CNTN5: variants seen among roughly 807,000 people sequenced by gnomAD.
CNTN5 encodes contactin-5.
CNTN5 carries 77 observed loss-of-function variants against 129.1 expected under a neutral mutation model. The observed-to-expected ratio is 0.60, with a 90% CI of 0.50 to 0.72. CNTN5 has a LOEUF of 0.72. CNTN5 is among the 30% of genes least tolerant of loss of function. The pLI is 0.00. For missense variants in CNTN5, 1,478 were observed against 1,328.8 expected, an observed-to-expected ratio of 1.11 and a Z score of -1.75; for synonymous variants, 509 against 465.6, an observed-to-expected ratio of 1.09 and a Z score of -1.20.
At chr11:100,046,359 C>T (rs1270436730) in intron 9 of CNTN5, among the ~76,000 whole-genome samples, 1 of 152,128 alleles carries the variant, frequency 6.6e-6, no homozygotes, top group Non-Finnish European at 1.5e-5. Context: ...ATCCCATCTG[C>T]CTGTATTCTC....
intron 1 of CNTN5, among the ~76,000 whole-genome samples, chr11:99,264,151 A>G (rs756821583): frequency 1.5e-4 from 22 of 151,710 alleles, no homozygotes; most frequent in Non-Finnish European, 1.9e-4. Context: ...CAGGATACCT[A>G]TTTCTACAAC....
intron 3 of CNTN5, among the ~76,000 whole-genome samples, chr11:99,629,364 A>T (rs1951252105): frequency 6.6e-6 from 1 of 152,008 alleles, no homozygotes; most frequent in Non-Finnish European, 1.5e-5. Context: ...AAGTTTAAAA[A>T]GTAATTTCCT....
At chr11:99,228,276 A>C (rs1256254724) in intron 1 of CNTN5, among the ~76,000 whole-genome samples, 7 of 152,126 alleles carry the variant, frequency 4.6e-5, no homozygotes, top group African/African-American at 1.7e-4. Context: ...TAGAGAGTGG[A>C]TGCAGGTAGA....
chr11:99,253,847 TG>T (rs1405772919), intron 1 of CNTN5, among the ~76,000 whole-genome samples: 1 of 150,066 alleles, frequency 6.7e-6, no homozygotes, highest in African/African-American at 2.4e-5. Context: ...AGTTTATCTA[TG>T]GATCCTTCCC....
chr11:99,948,840 G>A (rs1442993622), intron 7 of CNTN5, among the ~76,000 whole-genome samples: 1 of 152,216 alleles, frequency 6.6e-6, no homozygotes, highest in Non-Finnish European at 1.5e-5. Context: ...CTGCTATGAA[G>A]ATTGGCTGCT....
At chr11:100,181,539 G>A (rs902926128) in intron 13 of CNTN5, among the ~76,000 whole-genome samples, 1 of 151,828 alleles carries the variant, frequency 6.6e-6, no homozygotes, top group African/African-American at 2.4e-5. Flanking sequence ...GAAAAATATT[G>A]TATAAAACTT....
chr11:99,026,823 T>C (rs1282359738), intron 1 of CNTN5, among the ~76,000 whole-genome samples: 1 of 151,642 alleles, frequency 6.6e-6, no homozygotes, highest in African/African-American at 2.4e-5. Context: ...TGGCTTATAC[T>C]TCATTTTAGA....
At chr11:99,438,685 C>G (rs1400213595) in intron 2 of CNTN5, among the ~76,000 whole-genome samples, 5 of 152,120 alleles carry the variant, frequency 3.3e-5, no homozygotes, top group Non-Finnish European at 7.3e-5. Flanking sequence ...TCCTCCAAAG[C>G]TCTAATTTTT....
chr11:100,079,135 C>T (rs1011905377), intron 13 of CNTN5, among the ~76,000 whole-genome samples: 2 of 152,136 alleles, frequency 1.3e-5, no homozygotes, highest in African/African-American at 4.8e-5. Context: ...GATTCAGTTA[C>T]CTCTACCTGA....
At chr11:99,139,106 C>T (rs1004267043) in intron 1 of CNTN5, among the ~76,000 whole-genome samples, 104 of 2,464 alleles carry the variant, frequency 0.042, no homozygotes, top group South Asian at 0.059. Context: ...TCCCCACCCC[C>T]CCCCCCCAAA....
intron 3 of CNTN5, among the ~76,000 whole-genome samples, chr11:99,655,507 C>G (rs967526695): frequency 3.3e-5 from 5 of 151,978 alleles, no homozygotes; most frequent in African/African-American, 9.7e-5. Context: ...GTTGTCTGTC[C>G]CCTCAAGGTC....
At chr11:100,230,823 C>G (rs536087051) in intron 16 of CNTN5, among the ~76,000 whole-genome samples, 1 of 152,308 alleles carries the variant, frequency 6.6e-6, no homozygotes, top group Non-Finnish European at 1.5e-5. Flanking sequence ...TGACTTCACT[C>G]TTCAAATTTG....
intron 3 of CNTN5, among the ~76,000 whole-genome samples, chr11:99,766,837 T>A (rs1190142788): frequency 6.6e-6 from 1 of 152,084 alleles, no homozygotes; most frequent in African/African-American, 2.4e-5. Context: ...AGCATTTCAC[T>A]TGACTGGGAA....
intron 18 of CNTN5, among the ~76,000 whole-genome samples, chr11:100,295,367 C>A (rs1364038697): frequency 6.6e-6 from 1 of 151,096 alleles, no homozygotes; most frequent in African/African-American, 2.4e-5. Context: ...AGAAGTGAAT[C>A]AAATCATAGA....
chr11:100,010,499 T>C (rs969679361), intron 9 of CNTN5, among the ~76,000 whole-genome samples: 28 of 152,138 alleles, frequency 1.8e-4, no homozygotes, highest in Admixed American at 1.6e-3. Context: ...GAGGTGCCAT[T>C]CAGGGGCTAT....
intron 1 of CNTN5, among the ~76,000 whole-genome samples, chr11:99,078,414 A>G (rs1388485204): frequency 6.6e-6 from 1 of 152,204 alleles, no homozygotes; most frequent in Non-Finnish European, 1.5e-5. Flanking sequence ...TGATCCAGCA[A>G]TCCCTCTGCT....
At chr11:100,077,832 G>A (rs1049200656) in intron 13 of CNTN5, among the ~76,000 whole-genome samples, 1 of 151,754 alleles carries the variant, frequency 6.6e-6, no homozygotes, top group Admixed American at 6.6e-5. Flanking sequence ...GCAAAACCCT[G>A]TCTCAAAAAT....
intron 2 of CNTN5, among the ~76,000 whole-genome samples, chr11:99,482,872 T>G (rs922602106): frequency 6.6e-6 from 1 of 151,954 alleles, no homozygotes; most frequent in African/African-American, 2.4e-5. Context: ...GATTAAATAT[T>G]TGCAAAAAAA....
intron 2 of CNTN5, among the ~76,000 whole-genome samples, chr11:99,341,165 T>G (rs750653207): frequency 1.1e-4 from 17 of 152,142 alleles, no homozygotes; most frequent in Admixed American, 2.0e-4. Flanking sequence ...GGCTTCTCTA[T>G]GAAAGTATGT....
Sources: gnomAD v4.1 joint callset for allele counts (sites outside exome capture counted in the v4.1 genomes callset) on GRCh38, gnomAD v4.1.1 for gene constraint, MANE v1.5 for transcripts, NCBI Gene and HGNC (gene_info 2026-07-23, HGNC 2026-07-21) for gene names.